Variants in ZNF567 observed in about 807,000 individuals in gnomAD.
ZNF567 encodes the protein zinc finger protein 567.
A neutral mutation model predicts 53.9 loss-of-function variants in ZNF567; 36 were observed. That is an observed-to-expected ratio of 0.67 (90% CI 0.51 to 0.88). The LOEUF is 0.88. Ranked by LOEUF, ZNF567 falls within the 40% of genes least tolerant of loss-of-function variation. ZNF567 has a pLI of 0.00. For missense variants in ZNF567, 619 were observed against 764.7 expected (o/e 0.81, Z 2.25); for synonymous variants, 224 against 260.4 (o/e 0.86, Z 1.35).
downstream of ZNF567, among the ~76,000 whole-genome samples, chr19:36,725,575 T>G (rs1209574457): frequency 6.6e-6 from 1 of 152,238 alleles, no homozygotes; most frequent in Non-Finnish European, 1.5e-5. Context: ...GAAAGTTATC[T>G]TGTTTAAATT....
chr19:36,722,723 A>G (rs2040315041), downstream of ZNF567, among the ~76,000 whole-genome samples: 1 of 152,232 alleles, frequency 6.6e-6, no homozygotes, highest in Admixed American at 6.5e-5. Flanking sequence ...TTAGAGAGGG[A>G]CAGCCATTGC....
the ZNF567 span, among the ~76,000 whole-genome samples, chr19:36,676,055 C>CT: frequency 7.7e-3 from 467 of 60,596 alleles, 137 homozygotes; most frequent in African/African-American, 9.5e-3. Flanking sequence ...TATTCTACAC[C>CT]TTTTTTTTTT....
chr19:36,701,343 G>A (rs980417141), intron 3 of ZNF567, among the ~76,000 whole-genome samples: 1 of 151,308 alleles, frequency 6.6e-6, no homozygotes, highest in Non-Finnish European at 1.5e-5. Context: ...TTACTTCCAA[G>A]TATGTGGTCA....
chr19:36,686,451 G>A (rs1239510439), upstream of ZNF567: 3 of 152,180 alleles, frequency 2.0e-5, no homozygotes, highest in East Asian at 5.8e-4. Flanking sequence ...AGGGAGATGG[G>A]AGTACTGCTA....
At chr19:36,670,811 AC>A in the ZNF567 span, among the ~76,000 whole-genome samples, 2 of 152,140 alleles carry the variant, frequency 1.3e-5, no homozygotes, top group East Asian at 3.9e-4. Flanking sequence ...TCCACGAGAT[AC>A]TGCACTGGGC....
At chr19:36,715,316 ATG>A (rs1481876722) in intron 5 of ZNF567, among the ~76,000 whole-genome samples, 8 of 151,094 alleles carry the variant, frequency 5.3e-5, no homozygotes, top group African/African-American at 1.9e-4. Flanking sequence ...GCCCACCACC[ATG>A]CCCGGCTAAT....
At chr19:36,666,985 G>C in the ZNF567 span, 3 of 152,362 alleles carry the variant, frequency 2.0e-5, no homozygotes, top group Non-Finnish European at 4.4e-5. Flanking sequence ...TTCGTTTTCG[G>C]ATTCTGGACT....
At chr19:36,706,011 A>G (rs1442295223) in intron 3 of ZNF567, among the ~76,000 whole-genome samples, 2 of 152,162 alleles carry the variant, frequency 1.3e-5, no homozygotes, top group Non-Finnish European at 2.9e-5. Flanking sequence ...TGGATAATTT[A>G]TGAAGAACAA....
At chr19:36,714,297 G>C (rs2039937020) in intron 5 of ZNF567, 1 of 327,866 alleles carries the variant, frequency 3.1e-6, no homozygotes, top group South Asian at 1.6e-4. Flanking sequence ...AAGTAGCTGG[G>C]ATTACAGGTG....
upstream of ZNF567, chr19:36,686,286 C>G (rs2038268485): frequency 6.6e-6 from 1 of 152,194 alleles, no homozygotes. Flanking sequence ...TCCCTTTCCT[C>G]AGGGCTCTTA....
At position 36,719,343 on chromosome 19, in the gene ZNF567, GCA is replaced by G; in HGVS notation, c.622_623del (p.Gln208ValfsTer5). On this transcript the variant is annotated frameshift_variant, in exon 6 of 6. Coordinates refer to ENST00000682579, the MANE Select transcript of ZNF567 (RefSeq NM_001322917.1). LOFTEE classifies it high-confidence loss of function. The part of the protein sequence containing the change: ...LMQYQKTETP[A>X]QSFGYNDCEK... ...GCAGTATCAGAAAACGGAAACTCCAGCACAGTCATTTGGATATAATGACTGTG... is the reference window on the plus strand; with the variant it reads ...GCAGTATCAGAAAACGGAAACTCCAGCAGTCATTTGGATATAATGACTGTG... 2.5e-6 allele frequency: 4 copies of G among 1,613,748 alleles called. No homozygotes were observed. Among genetic ancestry groups the G allele is most frequent in the Non-Finnish European group, 3.4e-6 (4 of 1,179,934 alleles).
downstream of ZNF567, chr19:36,723,130 G>A (rs2040318007): frequency 1.4e-6 from 1 of 702,402 alleles, no homozygotes; most frequent in African/African-American, 1.7e-5. Flanking sequence ...GCTAACAGTG[G>A]TGACTAACAG....
In ZNF567 at chr19:36,712,502, C is replaced by T. The variant is rs369804793; in HGVS notation, c.126C>T (p.Leu42=). The T allele has an allele frequency of 6.2e-7, 1 of 1,614,112 alleles. No homozygotes were observed. The highest frequency in any genetic ancestry group is 2.2e-5 in the East Asian group (1 of 44,876). The change falls in exon 4 of 6, where the codon CTC becomes CTT. Residue 42 remains leucine, a synonymous_variant. Coordinates refer to ENST00000682579, the MANE Select transcript of ZNF567 (RefSeq NM_001322917.1). ...MDVMLENYCH[L]ISVGCHMTKP... ...TGATGTTGGAAAACTATTGCCACCTCATCTCTGTGGGTAAGAAAAATCCTC... is the reference window on the plus strand; with the variant it reads ...TGATGTTGGAAAACTATTGCCACCTTATCTCTGTGGGTAAGAAAAATCCTC...
chr19:36,723,452 T>TA (rs2040320647), downstream of ZNF567: 2 of 539,104 alleles, frequency 3.7e-6, no homozygotes, highest in Non-Finnish European at 6.6e-6. Context: ...TTTTCAAACA[T>TA]ACTACATATA....
At chr19:36,688,757 A>G (rs1209915005) in intron 1 of ZNF567, among the ~76,000 whole-genome samples, 1 of 149,310 alleles carries the variant, frequency 6.7e-6, no homozygotes, top group Non-Finnish European at 1.5e-5. Flanking sequence ...CAGTGAGCCG[A>G]GATCGTGCCA....
the ZNF567 span, among the ~76,000 whole-genome samples, chr19:36,677,155 CA>C: frequency 2.1e-3 from 60 of 28,240 alleles, no homozygotes; most frequent in African/African-American, 3.8e-3. Context: ...AACTCCGTCT[CA>C]AAAAAAAAAA....
At chr19:36,672,801 A>G in the ZNF567 span, among the ~76,000 whole-genome samples, 3 of 152,202 alleles carry the variant, frequency 2.0e-5, no homozygotes, top group South Asian at 2.1e-4. Context: ...CAGACCCTTA[A>G]CGAATGAAGG....
intron 5 of ZNF567, among the ~76,000 whole-genome samples, chr19:36,718,460 C>A (rs1315605817): frequency 6.6e-6 from 1 of 152,122 alleles, no homozygotes; most frequent in African/African-American, 2.4e-5. Context: ...GATCACGCCA[C>A]TGCACTCCAG....
chr19:36,714,417 C>T (rs2039944351), intron 5 of ZNF567: 1 of 397,684 alleles, frequency 2.5e-6, no homozygotes. Flanking sequence ...CCACCTCGGC[C>T]TCACAAAGTG....
Sources: allele counts gnomAD v4.1 joint callset (sites outside exome capture counted in the v4.1 genomes callset), GRCh38; gene constraint gnomAD v4.1.1; transcripts MANE v1.5; gene names NCBI Gene and HGNC (gene_info 2026-07-23, HGNC 2026-07-21).